Variants in KBTBD12 observed in about 807,000 individuals in gnomAD.
The protein encoded by KBTBD12 is kelch repeat and BTB domain-containing protein 12.
In KBTBD12, 53 loss-of-function variants were observed where a neutral mutation model predicts 58.7. The observed-to-expected ratio is 0.90, with a 90% CI of 0.72 to 1.14. KBTBD12 has a LOEUF of 1.14. Among genes scored for constraint, KBTBD12 ranks in the 50% most tolerant of loss-of-function variants. The pLI is 0.00. For synonymous variants in KBTBD12, 236 were observed against 259.8 expected (o/e 0.91, Z 0.88); for missense variants, 704 against 751.3 (o/e 0.94, Z 0.74).
At chr3:127,946,625 C>G (rs754396898) in intron 4 of KBTBD12, among the ~76,000 whole-genome samples, 8 of 152,096 alleles carry the variant, frequency 5.3e-5, no homozygotes, top group Non-Finnish European at 1.0e-4. Context: ...TTTTATTCTA[C>G]TTGGGGTTCA....
At chr3:127,940,406 T>G (rs979752848) in intron 4 of KBTBD12, among the ~76,000 whole-genome samples, 1 of 152,118 alleles carries the variant, frequency 6.6e-6, no homozygotes, top group African/African-American at 2.4e-5. Context: ...CTGACCACAG[T>G]GGAACATAAG....
chr3:127,924,703 A>T (rs182182557), intron 2 of KBTBD12, among the ~76,000 whole-genome samples: 31 of 152,260 alleles, frequency 2.0e-4, no homozygotes, highest in Non-Finnish European at 1.0e-4. Flanking sequence ...GTCAGTTTTC[A>T]TTCTATGTCC....
At chr3:127,981,712 A>C (rs1429724017) in intron 5 of KBTBD12, among the ~76,000 whole-genome samples, 1 of 152,136 alleles carries the variant, frequency 6.6e-6, no homozygotes, top group Non-Finnish European at 1.5e-5. Flanking sequence ...GAGGCTGAGG[A>C]GGGCAGATCA....
Position 127,927,969 on chromosome 3 carries a change from T to C in KBTBD12, c.1276T>C (p.Leu426=), listed in dbSNP as rs369607288. The C allele has an allele frequency of 2.5e-6, 4 of 1,613,278 alleles. No individual in the cohort carries two copies. Among genetic ancestry groups the C allele is most frequent in the East Asian group, 2.2e-5 (1 of 44,872 alleles). ...WKRVSPLPLQ[L]ACHAVVTVNN... ...AAGGGTGTCTCCCCTTCCACTGCAA[T>C]TGGCATGTCATGCTGTAGTGACAGT... Residue 426 remains leucine, a synonymous_variant, in exon 3 of 6, where the codon TTG becomes CTG. Coordinates refer to ENST00000405109, the MANE Select transcript of KBTBD12 (RefSeq NM_207335.4).
chr3:127,984,505 G>A lies in KBTBD12; in HGVS notation c.*227G>A. The A allele has an allele frequency of 2.3e-6, 1 of 431,708 alleles. No individual in the cohort carries two copies. The highest frequency in any genetic ancestry group is 4.2e-6 in the Non-Finnish European group (1 of 237,780). 26.7% of individuals were successfully genotyped at this position (431,708 alleles called of 1,614,324 possible). Reference sequence around the variant, plus strand: ...ACACTACAAAGAAGAGGTGATGACGGCCACAGGAGGGGCACAGGGCCACAG... The same window carrying A: ...ACACTACAAAGAAGAGGTGATGACGACCACAGGAGGGGCACAGGGCCACAG... On this transcript the variant is annotated 3_prime_UTR_variant, in exon 6 of 6. Transcript: ENST00000405109.
chr3:127,960,236 G>A (rs1253540919), intron 4 of KBTBD12, among the ~76,000 whole-genome samples: 2 of 152,150 alleles, frequency 1.3e-5, no homozygotes, highest in Non-Finnish European at 2.9e-5. Context: ...ACAGAGAGGA[G>A]AGAATCTAAA....
chr3:127,963,108 A>G, intron 4 of KBTBD12, 81 bp from the exon 5 acceptor site: 1 of 1,247,436 alleles, frequency 8.0e-7, no homozygotes, highest in Non-Finnish European at 1.1e-6. Flanking sequence ...AACCTTTGAT[A>G]CAAACCATGC....
At chr3:127,955,366 T>C (rs1395850698) in intron 4 of KBTBD12, among the ~76,000 whole-genome samples, 1 of 152,104 alleles carries the variant, frequency 6.6e-6, no homozygotes, top group African/African-American at 2.4e-5. Context: ...CATTAAAGAG[T>C]AATGAAGGGA....
At chr3:127,925,535 T>A (rs547364330) in intron 2 of KBTBD12, among the ~76,000 whole-genome samples, 1 of 152,276 alleles carries the variant, frequency 6.6e-6, no homozygotes, top group Admixed American at 6.5e-5. Flanking sequence ...TCAAAGTGTC[T>A]TTCAGTTTTG....
At chr3:127,946,985 A>G (rs996741587) in intron 4 of KBTBD12, among the ~76,000 whole-genome samples, 1 of 152,078 alleles carries the variant, frequency 6.6e-6, no homozygotes, top group African/African-American at 2.4e-5. Flanking sequence ...TCTTTCATAG[A>G]TTCCACTTAT....
At chr3:127,922,388 G>C (rs955167769) in intron 1 of KBTBD12, among the ~76,000 whole-genome samples, 1 of 152,096 alleles carries the variant, frequency 6.6e-6, no homozygotes, top group African/African-American at 2.4e-5. Context: ...TATAATCTTT[G>C]TGTTATCTAC....
intron 4 of KBTBD12, among the ~76,000 whole-genome samples, chr3:127,960,275 CTT>C (rs1940409450): frequency 6.6e-6 from 1 of 152,052 alleles, no homozygotes; most frequent in Admixed American, 6.5e-5. Flanking sequence ...AGGAGGGAGT[CTT>C]TATAGAAATG....
intron 5 of KBTBD12, among the ~76,000 whole-genome samples, chr3:127,975,336 G>T (rs1160775515): frequency 6.6e-6 from 1 of 152,214 alleles, no homozygotes; most frequent in Non-Finnish European, 1.5e-5. Flanking sequence ...GCAGACGGAT[G>T]TAGTCAGCCT....
intron 1 of KBTBD12, among the ~76,000 whole-genome samples, chr3:127,920,597 AG>A (rs1175846637): frequency 3.3e-5 from 5 of 152,168 alleles, no homozygotes; most frequent in African/African-American, 1.2e-4. Flanking sequence ...TCGAGAAAGT[AG>A]CAACTTAAGC....
At chr3:127,918,006 T>A (rs2107584392) in intron 1 of KBTBD12, among the ~76,000 whole-genome samples, 1 of 151,996 alleles carries the variant, frequency 6.6e-6, no homozygotes, top group Admixed American at 6.5e-5. Context: ...GGCCAGGAGT[T>A]TGAGACGCAC....
In KBTBD12 at chr3:127,921,138, A is replaced by C. The variant is rs116126522; in HGVS notation, c.-112-1812A>C. On this transcript the variant is annotated intron_variant, in intron 1 of 5. Coordinates refer to ENST00000405109, the MANE Select transcript of KBTBD12 (RefSeq NM_207335.4). Reference sequence around the variant, plus strand: ...TTACCAAGAAAATTGCATATTGTACATGCATGGCCTTATTTAATTCTCCTG... The same window carrying C: ...TTACCAAGAAAATTGCATATTGTACCTGCATGGCCTTATTTAATTCTCCTG... Among the ~76,000 whole-genome samples, 291 of 152,274 alleles carry C rather than the reference A, an allele frequency of 1.9e-3. 4 individuals are homozygous for C. The highest frequency in any genetic ancestry group is 0.017 in the Middle Eastern group (5 of 294).
At chr3:127,925,966 A>G (rs932354777) in intron 2 of KBTBD12, among the ~76,000 whole-genome samples, 6 of 152,144 alleles carry the variant, frequency 3.9e-5, no homozygotes, top group Non-Finnish European at 7.4e-5. Flanking sequence ...ATAGATTTCC[A>G]TGCAGATATA....
chr3:127,984,190 G>A lies in KBTBD12; in HGVS notation c.1784G>A (p.Ser595Asn), dbSNP rs1940925480. The part of the protein sequence containing the change: ...VVAINVLMHD[S>N]YDVCLVARMN... ...GCCATCAACGTCCTCATGCATGACA[G>A]CTATGATGTCTGCCTAGTAGCCAGG... The change falls in exon 6 of 6, where the codon AGC (serine) becomes AAC (asparagine). Residue 595 changes from serine to asparagine, a missense_variant. Physicochemically the swap from Ser to Asn is conservative, Grantham distance 46 (BLOSUM62 1). Transcript: ENST00000405109. The A allele has an allele frequency of 1.2e-6, 2 of 1,613,634 alleles. No homozygotes were observed. Among genetic ancestry groups the A allele is most frequent in the Admixed American group, 3.3e-5 (2 of 60,008 alleles).
At chr3:127,931,721 G>A (rs1939706393) in intron 4 of KBTBD12, among the ~76,000 whole-genome samples, 1 of 152,146 alleles carries the variant, frequency 6.6e-6, no homozygotes, top group African/African-American at 2.4e-5. Flanking sequence ...TGAATGAAAG[G>A]AGGTAGATTT....
Sources: gnomAD v4.1 joint callset for allele counts (sites outside exome capture counted in the v4.1 genomes callset) on GRCh38, gnomAD v4.1.1 for gene constraint, MANE v1.5 for transcripts, NCBI Gene and HGNC (gene_info 2026-07-23, HGNC 2026-07-21) for gene names.